The following MEGF6 variants were observed in gnomAD, a reference collection of about 807,000 sequenced individuals.
The protein encoded by MEGF6 is multiple EGF like domains 6.
A neutral mutation model predicts 207.1 loss-of-function variants in MEGF6; 184 were observed. The observed-to-expected ratio is 0.89, with a 90% CI of 0.79 to 1.00. MEGF6 has a LOEUF of 1.00. Among genes scored for constraint, MEGF6 ranks in the 50% least tolerant of loss-of-function variants. MEGF6 has a pLI of 0.00. For synonymous variants in MEGF6, 1,038 were observed against 910.0 expected, an observed-to-expected ratio of 1.14 and a Z score of -2.53; for missense variants, 2,282 against 2,202.9, an observed-to-expected ratio of 1.04 and a Z score of -0.72.
chr1:3,492,716 C>A lies in MEGF6; in HGVS notation c.4439G>T (p.Gly1480Val). The change falls in exon 35 of 37, where the codon GGG (glycine) becomes GTG (valine). Residue 1480 changes from glycine to valine, a missense_variant. By Grantham distance (109) the Gly-to-Val change is moderately radical. Transcript: ENST00000356575. ...GPSCTLHCDCGGGADCDPVSG... is the reference protein window; with the variant it reads ...GPSCTLHCDCVGGADCDPVSG... ...GACAGGGTCGCAGTCAGCCCCACCC[C>A]CGCAGTCACAGTGCAGGGTGCAGCT... 1 of 1,612,616 alleles carries A rather than the reference C, an allele frequency of 6.2e-7. No individual in the cohort carries two copies. The highest frequency in any genetic ancestry group is 8.5e-7 in the Non-Finnish European group (1 of 1,179,856).
At chr1:3,523,892 C>T (rs1228209335) in intron 5 of MEGF6, among the ~76,000 whole-genome samples, 1 of 152,228 alleles carries the variant, frequency 6.6e-6, no homozygotes, top group Admixed American at 6.5e-5. Context: ...GGTCTGCAGC[C>T]AGGGTCCTGG....
chr1:3,509,962 C>A lies in MEGF6; in HGVS notation c.1265G>T (p.Gly422Val). 1 of 1,584,600 alleles carries A rather than the reference C, an allele frequency of 6.3e-7. No homozygotes were observed. Among genetic ancestry groups the A allele is most frequent in the Non-Finnish European group, 8.5e-7 (1 of 1,170,554 alleles). Residue 422 changes from glycine (G) to valine (V), a missense_variant, in exon 11 of 37, where the codon GGC (glycine) becomes GTC (valine). Physicochemically the swap from Gly to Val is moderately radical, Grantham distance 109 (BLOSUM62 -3). Coordinates refer to ENST00000356575, the MANE Select transcript of MEGF6 (RefSeq NM_001409.4). Reference protein sequence around the residue: ...DVDECASSRGGCEHHCTNLAG... With the variant: ...DVDECASSRGVCEHHCTNLAG... ...CAGGTTGGTGCAGTGGTGCTCGCAG[C>A]CGCCACGGCTGGAGGCGCACTCATC...
chr1:3,513,576 G>T (rs891348751), intron 7 of MEGF6, among the ~76,000 whole-genome samples: 1 of 119,826 alleles, frequency 8.3e-6, no homozygotes, highest in Non-Finnish European at 1.7e-5. Context: ...CCACACCTGG[G>T]CTTTTTTTTT....
chr1:3,492,909 G>T, intron 34 of MEGF6, 142 bp from the exon 35 acceptor site: 1 of 1,198,214 alleles, frequency 8.3e-7, no homozygotes, highest in Non-Finnish European at 1.1e-6. Context: ...CTAAGACCTT[G>T]GGCCTCGGTT....
chr1:3,522,778 G>A (rs1482650334), intron 5 of MEGF6, among the ~76,000 whole-genome samples: 1 of 152,140 alleles, frequency 6.6e-6, no homozygotes, highest in African/African-American at 2.4e-5. Flanking sequence ...CCACTGGGCT[G>A]ACACCTGGGC....
chr1:3,609,517 C>A (rs1295117834), intron 1 of MEGF6, among the ~76,000 whole-genome samples: 1 of 152,240 alleles, frequency 6.6e-6, no homozygotes, highest in Non-Finnish European at 1.5e-5. Context: ...AGAAGATAAA[C>A]CAGGGGCACA....
intron 30 of MEGF6, 90 bp downstream of exon 30, chr1:3,495,800 G>T: frequency 6.8e-7 from 1 of 1,476,502 alleles, no homozygotes; most frequent in African/African-American, 1.4e-5. Flanking sequence ...GGGTGTCTGG[G>T]CTGGGCCCAC....
At chr1:3,508,956 G>A (rs1196277645) in intron 12 of MEGF6, 119 bp downstream of exon 12, 2 of 1,216,172 alleles carry the variant, frequency 1.6e-6, no homozygotes, top group Non-Finnish European at 2.2e-6. Context: ...GGTCTAACAT[G>A]GCATTGCAGG....
chr1:3,565,900 G>A lies in MEGF6; in HGVS notation c.481+13925C>T, dbSNP rs149326277. Among the ~76,000 whole-genome samples, 407 of 152,278 alleles carry A rather than the reference G, an allele frequency of 2.7e-3. 2 individuals carry two copies. Among genetic ancestry groups the A allele is most frequent in the African/African-American group, 9.2e-3 (384 of 41,554 alleles). ...AGCGGCACAGGGACTCTCATGGGGTGCAGTGGGGATCCAGCTTCCTCCTCC... is the reference window on the plus strand; with the variant it reads ...AGCGGCACAGGGACTCTCATGGGGTACAGTGGGGATCCAGCTTCCTCCTCC... On this transcript the variant is annotated intron_variant, in intron 4 of 36. Coordinates refer to ENST00000356575, the MANE Select transcript of MEGF6 (RefSeq NM_001409.4). The surrounding 1 kb of genome is among the most constrained non-coding windows in gnomAD (Gnocchi z 4.8).
At chr1:3,621,761 C>T in the MEGF6 span, among the ~76,000 whole-genome samples, 2 of 152,200 alleles carry the variant, frequency 1.3e-5, no homozygotes, top group Non-Finnish European at 2.9e-5. Context: ...AGGGGCAGAG[C>T]TTCCCAAGGC....
upstream of MEGF6, among the ~76,000 whole-genome samples, chr1:3,614,832 A>T (rs945585047): frequency 1.3e-5 from 2 of 152,266 alleles, no homozygotes; most frequent in African/African-American, 4.8e-5. Context: ...AGGCACCAGC[A>T]GCCAGCCCAG....
rs888137441 is a variant in MEGF6 at position 3,556,941 on chromosome 1, C to T, written c.481+22884G>A. On this transcript the variant is annotated intron_variant, in intron 4 of 36. Transcript: ENST00000356575. The surrounding 1 kb of genome is among the most constrained non-coding windows in gnomAD (Gnocchi z 4.4). ...CCGACCTGACCTAGGAAGCCGATCC[C>T]GGCTTATCTGGGGGGCCTGGTGGAA... Among the ~76,000 whole-genome samples the T allele has an allele frequency of 2.0e-5, 3 of 152,198 alleles. No individual in the cohort carries two copies. The highest frequency in any genetic ancestry group is 6.5e-5 in the Admixed American group (1 of 15,286).
At chr1:3,569,607 G>A (rs1378764709) in intron 4 of MEGF6, among the ~76,000 whole-genome samples, 3 of 152,236 alleles carry the variant, frequency 2.0e-5, no homozygotes, top group Non-Finnish European at 4.4e-5. Context: ...CCAGGAGACT[G>A]GGGGGCCACG....
the MEGF6 span, chr1:3,624,466 G>A: frequency 6.6e-6 from 1 of 152,262 alleles, no homozygotes. Flanking sequence ...GATCCGTCAC[G>A]AATAAGCCGT....
intron 5 of MEGF6, among the ~76,000 whole-genome samples, chr1:3,516,131 CCCCCATTCCTTCATGCACATT>C (rs1416608458): frequency 2.6e-5 from 4 of 152,356 alleles, no homozygotes; most frequent in African/African-American, 9.6e-5. Flanking sequence ...ATTGCCCATG[CCCCCATTCCTTCATGCACATT>C]CCTGCAGAGC....
chr1:3,583,360 G>T (rs1320673550), intron 3 of MEGF6, among the ~76,000 whole-genome samples: 1 of 72,156 alleles, frequency 1.4e-5, no homozygotes, highest in African/African-American at 9.3e-5. Context: ...CAGACAACGC[G>T]CAGCCACCAG....
intron 4 of MEGF6, among the ~76,000 whole-genome samples, chr1:3,550,574 A>G (rs1570117874): frequency 6.6e-6 from 1 of 152,258 alleles, no homozygotes; most frequent in East Asian, 1.9e-4. Context: ...TCATCCCAAG[A>G]CTGGATTCTG....
intron 4 of MEGF6, among the ~76,000 whole-genome samples, chr1:3,578,828 C>A (rs1643717642): frequency 6.6e-6 from 1 of 151,548 alleles, no homozygotes; most frequent in Non-Finnish European, 1.5e-5. Context: ...GTGGAGTGGG[C>A]AGGAGTGTCA....
chr1:3,525,934 G>A (rs988913960), intron 4 of MEGF6, among the ~76,000 whole-genome samples: 1 of 152,226 alleles, frequency 6.6e-6, no homozygotes, highest in Non-Finnish European at 1.5e-5. Flanking sequence ...ACAGGCAGGA[G>A]GCCACAGGCT....
Sources: allele counts gnomAD v4.1 joint callset (sites outside exome capture counted in the v4.1 genomes callset), GRCh38; gene constraint gnomAD v4.1.1; non-coding constraint Gnocchi (gnomAD v3.1); transcripts MANE v1.5; gene names NCBI Gene and HGNC (gene_info 2026-07-23, HGNC 2026-07-21).